The following ANKZF1 variants were observed in gnomAD, a reference collection of about 807,000 sequenced individuals.
ANKZF1 encodes the protein ankyrin repeat and zinc finger peptidyl tRNA hydrolase 1.
ANKZF1 carries 84 observed loss-of-function variants against 86.0 expected under a neutral mutation model. The ratio of observed to expected loss-of-function variants is 0.98; its 90% CI spans 0.82 to 1.17. The LOEUF is 1.17. ANKZF1 is among the 50% of genes most tolerant of loss of function. The probability of loss-of-function intolerance (pLI) is 0.00; values close to 1 mark genes in which losing one functional copy is unlikely to be tolerated. For synonymous variants in ANKZF1, 331 were observed against 354.2 expected, an observed-to-expected ratio of 0.93 and a Z score of 0.74; for missense variants, 893 against 918.4, an observed-to-expected ratio of 0.97 and a Z score of 0.36.
rs547734638 is a variant in ANKZF1, at chr2:219,232,208, G to A, written c.262-52G>A. 65 of 1,576,894 alleles carry A rather than the reference G, an allele frequency of 4.1e-5. 1 individual carries two copies. The South Asian group carries it at 7.0e-4, about 17-fold the overall frequency. Reference sequence around the variant, plus strand: ...TATAACTGGTCTTGGCCAGTACAAGGCCAGGCTGGGGCATATTTCCACCTT... The same window carrying A: ...TATAACTGGTCTTGGCCAGTACAAGACCAGGCTGGGGCATATTTCCACCTT... On this transcript the variant is annotated intron_variant, in intron 3 of 13. Transcript: ENST00000323348.
At chr2:219,232,123 A>G in intron 3 of ANKZF1, 83 bp downstream of exon 3, 2 of 1,426,524 alleles carry the variant, frequency 1.4e-6, no homozygotes, top group Non-Finnish European at 1.9e-6. Flanking sequence ...ATTTGTCTTA[A>G]TAAAGGTCCA....
In ANKZF1 at chr2:219,233,200, G is replaced by T; in HGVS notation, c.671+9G>T. Reference sequence around the variant, plus strand: ...GGTGCTATATTTCAAGGGTGAGAGGGTGCTGCATGGGGGTAAGGATGGAGT... The same window carrying T: ...GGTGCTATATTTCAAGGGTGAGAGGTTGCTGCATGGGGGTAAGGATGGAGT... On this transcript the variant is annotated intron_variant, in intron 6 of 13. Transcript: ENST00000323348. 1 of 1,614,246 alleles carries T rather than the reference G, an allele frequency of 6.2e-7. No individual in the cohort carries two copies. The highest frequency in any genetic ancestry group is 8.5e-7 in the Non-Finnish European group (1 of 1,180,036).
At position 219,232,351 on chromosome 2, in the gene ANKZF1, A is replaced by G; in HGVS notation, c.353A>G (p.Gln118Arg). The change falls in exon 4 of 14, where the codon CAG becomes CGG. Residue 118 changes from glutamine (Q) to arginine (R), a missense_variant. Transcript: ENST00000323348. ...CTGTCTGCCCTGGACTTTGAAAAGC[A>G]GAGCTCCACAGGTGATGAGTGGTAG... ...PLLSALDFEK[Q>R]SSTGDLSSIS... 1.2e-6 allele frequency: 2 copies of G among 1,614,224 alleles called. No individual in the cohort carries two copies. The highest frequency in any genetic ancestry group is 1.7e-6 in the Non-Finnish European group (2 of 1,180,004).
At chr2:219,235,979 C>A (rs770173377) in intron 12 of ANKZF1, 31 bp from the exon 13 acceptor site, 4 of 1,614,036 alleles carry the variant, frequency 2.5e-6, no homozygotes, top group Admixed American at 1.7e-5. Flanking sequence ...GCCACTGGGG[C>A]CTTGTCCTTA....
In ANKZF1 at chr2:219,236,543, G is replaced by A; in HGVS notation, c.*98G>A. 3.4e-6 allele frequency: 5 copies of A among 1,451,068 alleles called. No homozygotes were observed. The highest frequency in any genetic ancestry group is 3.7e-6 in the Non-Finnish European group (4 of 1,085,880). The allele number at this position is 1,451,068 out of a possible 1,614,324, so 89.9% of individuals were successfully genotyped here. Reference sequence around the variant, plus strand: ...TTCCCCGTGAAACCAGAGATGATTTGGAAGATGGGGGTGAAGGACACTCGG... The same window carrying A: ...TTCCCCGTGAAACCAGAGATGATTTAGAAGATGGGGGTGAAGGACACTCGG... On this transcript the variant is annotated 3_prime_UTR_variant, in exon 14 of 14. Transcript: ENST00000323348.
At chr2:219,232,976 G>C (rs577866107) in intron 5 of ANKZF1, 103 bp from the exon 6 acceptor site, 1 of 1,130,706 alleles carries the variant, frequency 8.8e-7, no homozygotes, top group African/African-American at 1.5e-5. Context: ...ACAAGCCTCA[G>C]GGTGGTAATA....
In ANKZF1 at chr2:219,233,740, C is replaced by G. The variant is rs1235839932; in HGVS notation, c.845C>G (p.Pro282Arg). ...GATGTTCGTGACCTGCTGGCAGGGC[C>G]AAGCTGGGCTAAGGCGCTGGAGGAG... ...YKDVRDLLAG[P>R]SWAKALEEAG... Residue 282 changes from proline to arginine, a missense_variant, in exon 8 of 14, where the codon CCA (proline) becomes CGA (arginine). Coordinates refer to ENST00000323348, the MANE Select transcript of ANKZF1 (RefSeq NM_018089.3). 6.2e-7 allele frequency: 1 copy of G among 1,613,500 alleles called. No homozygotes were observed. The highest frequency in any genetic ancestry group is 8.5e-7 in the Non-Finnish European group (1 of 1,179,826).
At chr2:219,231,665 A>T (rs1951041057) in intron 2 of ANKZF1, 2 of 367,278 alleles carry the variant, frequency 5.4e-6, no homozygotes, top group Non-Finnish European at 1.0e-5. Flanking sequence ...AAGTGCTGGG[A>T]TTACAAGCGT....
intron 5 of ANKZF1, 32 bp from the exon 6 acceptor site, chr2:219,233,047 A>T: frequency 6.3e-6 from 10 of 1,595,306 alleles, no homozygotes; most frequent in Non-Finnish European, 8.6e-6. Flanking sequence ...TGAATGCAAC[A>T]GATATGTTTC....
At position 219,233,813 on chromosome 2, in the gene ANKZF1, C is replaced by T. The variant is rs1951120099; in HGVS notation, c.918C>T (p.Phe306=). 6.2e-7 allele frequency: 1 copy of T among 1,614,152 alleles called. No homozygotes were observed. The highest frequency in any genetic ancestry group is 8.5e-7 in the Non-Finnish European group (1 of 1,180,026). Residue 306 remains phenylalanine (F), a synonymous_variant, in exon 8 of 14, where the codon TTC becomes TTT. Coordinates refer to ENST00000323348, the MANE Select transcript of ANKZF1 (RefSeq NM_018089.3). ...CTCCCCGCTCTGGCCGGTCTTTGTT[C>T]TTTGGAGGCAAGGGAGCACCCCTGC... ...LRAPRSGRSL[F]FGGKGAPLQR...
rs1453374525 is a variant in ANKZF1 at position 219,236,435 on chromosome 2, C to T, written c.2171C>T (p.Pro724Leu). The T allele has an allele frequency of 6.2e-7, 1 of 1,603,678 alleles. No homozygotes were observed. The highest frequency in any genetic ancestry group is 1.7e-5 in the Admixed American group (1 of 59,096). The change falls in exon 14 of 14, where the codon CCC becomes CTC. Residue 724 changes from proline (P) to leucine (L), a missense_variant. Pro to Leu is a moderately conservative substitution (Grantham distance 98, BLOSUM62 -3). Coordinates refer to ENST00000323348, the MANE Select transcript of ANKZF1 (RefSeq NM_018089.3). ...GATCATCGCCGTCAGGCAGGGAGGC[C>T]CTCTTCCTGATCTCTTACAGCTCTA... ...LQDHRRQAGR[P>L]SS
intron 3 of ANKZF1, 84 bp downstream of exon 3, chr2:219,232,124 T>C (rs1441721429): frequency 2.1e-6 from 3 of 1,432,944 alleles, no homozygotes; most frequent in South Asian, 2.5e-5. Flanking sequence ...TTTGTCTTAA[T>C]AAAGGTCCAT....
At position 219,231,997 on chromosome 2, in the gene ANKZF1, T is replaced by C. The variant is rs745539653; in HGVS notation, c.218T>C (p.Phe73Ser). 1 of 1,613,284 alleles carries C rather than the reference T, an allele frequency of 6.2e-7. No individual in the cohort carries two copies. Among genetic ancestry groups the C allele is most frequent in the Non-Finnish European group, 8.5e-7 (1 of 1,179,794 alleles). ...CCTATGGATATTTCAGAGAAGTTAT[T>C]TTGTTCAACTTGTGACCAGACCTTC... ...QGPMDISEKL[F>S]CSTCDQTFQN... Residue 73 changes from phenylalanine to serine, a missense_variant, in exon 3 of 14, where the codon TTT becomes TCT. Transcript: ENST00000323348.
intron 7 of ANKZF1, 55 bp downstream of exon 7, chr2:219,233,488 T>G: frequency 2.0e-6 from 3 of 1,514,342 alleles, no homozygotes; most frequent in Non-Finnish European, 2.7e-6. Context: ...TTTGCATCTC[T>G]GTTCAACTCA....
intron 3 of ANKZF1, 26 bp from the exon 4 acceptor site, chr2:219,232,234 T>C (rs2106458647): frequency 6.2e-7 from 1 of 1,608,246 alleles, no homozygotes; most frequent in Middle Eastern, 1.7e-4. Context: ...TTTCCACCTT[T>C]ATCTCACTCT....
rs976578764 is a variant in ANKZF1 at position 219,233,770 on chromosome 2, G to A, written c.875G>A (p.Gly292Asp). 10 of 1,614,102 alleles carry A rather than the reference G, an allele frequency of 6.2e-6. No homozygotes were observed. Among genetic ancestry groups the A allele is most frequent in the Non-Finnish European group, 8.5e-6 (10 of 1,180,032 alleles). ...TGGGCTAAGGCGCTGGAGGAGGCTGGTACAATACTGTTGCGTGCTCCCCGC... is the reference window on the plus strand; with the variant it reads ...TGGGCTAAGGCGCTGGAGGAGGCTGATACAATACTGTTGCGTGCTCCCCGC... ...PSWAKALEEAGTILLRAPRSG... is the reference protein window; with the variant it reads ...PSWAKALEEADTILLRAPRSG... The change falls in exon 8 of 14, where the codon GGT becomes GAT. Residue 292 changes from glycine to aspartate, a missense_variant. Coordinates refer to ENST00000323348, the MANE Select transcript of ANKZF1 (RefSeq NM_018089.3).
chr2:219,235,026 A>C lies in ANKZF1; in HGVS notation c.1405A>C (p.Thr469Pro), dbSNP rs201647899. 3.6e-4 allele frequency: 580 copies of C among 1,614,144 alleles called. No individual in the cohort carries two copies. The highest frequency in any genetic ancestry group is 5.5e-4 in the Admixed American group (33 of 60,014). ...LQQTQEEEPS[T>P]QSSQAVAAPL... ...GCAAACTCAAGAAGAGGAGCCTTCCACACAGTCATCCCAGGCAGTTGCTGC... is the reference window on the plus strand; with the variant it reads ...GCAAACTCAAGAAGAGGAGCCTTCCCCACAGTCATCCCAGGCAGTTGCTGC... The change falls in exon 10 of 14, where the codon ACA (threonine) becomes CCA (proline). Residue 469 changes from threonine (T) to proline (P), a missense_variant. Transcript: ENST00000323348.
Position 219,235,262 on chromosome 2 carries a change from A to C in ANKZF1, c.1641A>C (p.Arg547Ser), listed in dbSNP as rs767120087. The change falls in exon 10 of 14, where the codon AGA (arginine) becomes AGC (serine). Residue 547 changes from arginine to serine, a missense_variant. Arg to Ser is a moderately radical substitution (Grantham distance 110). Coordinates refer to ENST00000323348, the MANE Select transcript of ANKZF1 (RefSeq NM_018089.3). ...TGCATGCAGCAGCTGCAGCTGGAAGAGGCTCAGTGGTTCGTCTGCTGCTGG... is the reference window on the plus strand; with the variant it reads ...TGCATGCAGCAGCTGCAGCTGGAAGCGGCTCAGTGGTTCGTCTGCTGCTGG... ...TLLHAAAAAG[R>S]GSVVRLLLEA... 5.6e-6 allele frequency: 9 copies of C among 1,612,394 alleles called. No individual in the cohort carries two copies. Among genetic ancestry groups the C allele is most frequent in the Non-Finnish European group, 7.6e-6 (9 of 1,180,006 alleles).
In ANKZF1 at chr2:219,231,954, A is replaced by G. The variant is rs745839343; in HGVS notation, c.175A>G (p.Arg59Gly). 6.2e-7 allele frequency: 1 copy of G among 1,614,070 alleles called. No individual in the cohort carries two copies. Among genetic ancestry groups the G allele is most frequent in the Non-Finnish European group, 8.5e-7 (1 of 1,179,990 alleles). Residue 59 changes from arginine to glycine, a missense_variant, in exon 3 of 14, where the codon AGA becomes GGA. Coordinates refer to ENST00000323348, the MANE Select transcript of ANKZF1 (RefSeq NM_018089.3). Reference protein sequence around the residue: ...SGSGERESPERKLLQGPMDIS... With the variant: ...SGSGERESPEGKLLQGPMDIS... ...CTCAGGGGAGAGAGAAAGCCCAGAA[A>G]GAAAGCTACTCCAGGGTCCTATGGA...
Sources: gnomAD v4.1 joint callset for allele counts on GRCh38, gnomAD v4.1.1 for gene constraint, MANE v1.5 for transcripts, NCBI Gene and HGNC (gene_info 2026-07-23, HGNC 2026-07-21) for gene names.